Variants in SRGAP3 observed in about 807,000 individuals in gnomAD.
SRGAP3 encodes SLIT-ROBO Rho GTPase activating protein 3, also known as SLIT-ROBO Rho GTPase-activating protein 3.
SRGAP3 carries 39 observed loss-of-function variants against 121.1 expected under a neutral mutation model. The ratio of observed to expected loss-of-function variants is 0.32; its 90% CI spans 0.25 to 0.42. The LOEUF (loss-of-function observed/expected upper bound fraction) is 0.42. Ranked by LOEUF, SRGAP3 falls within the 10% of genes least tolerant of loss-of-function variation. The pLI, the probability that SRGAP3 is intolerant of heterozygous loss-of-function variation, is 1.00. For missense variants in SRGAP3, 1,213 were observed against 1,470.6 expected (o/e 0.82, Z 2.86); for synonymous variants, 601 against 570.0 (o/e 1.05, Z -0.77).
intron 10 of SRGAP3, among the ~76,000 whole-genome samples, chr3:9,046,730 G>A (rs894840531): frequency 1.3e-5 from 2 of 152,112 alleles, no homozygotes; most frequent in African/African-American, 4.8e-5. Flanking sequence ...CTGAGGCCCT[G>A]GATTCCCACT....
chr3:9,099,384 T>C (rs1948118923), intron 3 of SRGAP3, among the ~76,000 whole-genome samples: 1 of 152,142 alleles, frequency 6.6e-6, no homozygotes. Flanking sequence ...CATCAGAGCA[T>C]AGAATAATGG....
intron 1 of SRGAP3, among the ~76,000 whole-genome samples, chr3:9,206,110 T>C (rs1314070693): frequency 6.6e-6 from 1 of 152,194 alleles, no homozygotes; most frequent in Admixed American, 6.5e-5. Context: ...TTAAAAATGG[T>C]GAAAACTGTA....
intron 1 of SRGAP3, among the ~76,000 whole-genome samples, chr3:9,186,893 T>C (rs567256528): frequency 6.6e-6 from 1 of 152,332 alleles, no homozygotes; most frequent in African/African-American, 2.4e-5. Context: ...AATTAGCCCT[T>C]TCTATAGCCA....
chr3:9,079,318 G>A (rs1437761716), intron 4 of SRGAP3, among the ~76,000 whole-genome samples: 1 of 152,112 alleles, frequency 6.6e-6, no homozygotes, highest in Non-Finnish European at 1.5e-5. Context: ...TCTCCATGGG[G>A]TCCCCACATT....
intron 3 of SRGAP3, among the ~76,000 whole-genome samples, chr3:9,268,181 A>G (rs7634583): frequency 0.27 from 41,134 of 151,936 alleles, 6,190 homozygotes; most frequent in Middle Eastern, 0.36. Flanking sequence ...ATAACCCCCA[A>G]TGTGATGGTA....
intron 3 of SRGAP3, among the ~76,000 whole-genome samples, chr3:9,094,237 C>T (rs1947876716): frequency 1.3e-5 from 2 of 152,184 alleles, no homozygotes; most frequent in Non-Finnish European, 2.9e-5. Context: ...AAATATCATA[C>T]TGTACCTTAC....
chr3:9,336,970 A>G (rs2648551), intron 1 of SRGAP3, among the ~76,000 whole-genome samples: 124,223 of 152,060 alleles, frequency 0.82, 51,366 homozygotes, highest in African/African-American at 0.93. Flanking sequence ...GGCCTCAAGC[A>G]ATCCTCCCAC....
At chr3:9,153,001 T>C (rs527967056) in intron 1 of SRGAP3, among the ~76,000 whole-genome samples, 2 of 152,222 alleles carry the variant, frequency 1.3e-5, no homozygotes, top group East Asian at 1.9e-4. Context: ...TCCACAGTCG[T>C]TGATCCCAAT....
chr3:9,033,398 G>C (rs1342051669), intron 11 of SRGAP3: 1 of 151,724 alleles, frequency 6.6e-6, no homozygotes, highest in Non-Finnish European at 1.5e-5. Context: ...CTTTAGTCAA[G>C]TACACTTTCT....
chr3:9,358,753 G>A (rs1335898670), intron 1 of SRGAP3, among the ~76,000 whole-genome samples: 2 of 152,194 alleles, frequency 1.3e-5, no homozygotes, highest in East Asian at 1.9e-4. Context: ...ATTTGCTGGA[G>A]CGGCTCACAG....
intron 1 of SRGAP3, among the ~76,000 whole-genome samples, chr3:9,357,949 A>G (rs1454792725): frequency 1.3e-5 from 2 of 151,466 alleles, no homozygotes; most frequent in African/African-American, 4.9e-5. Context: ...ATCCCGGCTC[A>G]TTGCAACCTC....
At chr3:9,284,369 T>C (rs534009022) in intron 3 of SRGAP3, among the ~76,000 whole-genome samples, 3 of 152,360 alleles carry the variant, frequency 2.0e-5, no homozygotes, top group Non-Finnish European at 2.9e-5. Flanking sequence ...AGGTTTTTGT[T>C]TTGTTTTACC....
At chr3:9,124,031 C>T (rs1006023867) in intron 2 of SRGAP3, among the ~76,000 whole-genome samples, 1 of 151,976 alleles carries the variant, frequency 6.6e-6, no homozygotes, top group African/African-American at 2.4e-5. Context: ...CTGCTTCCTG[C>T]CTGCCTGTAT....
intron 1 of SRGAP3, 190 bp from the exon 2 acceptor site, chr3:9,125,107 G>A (rs1268347987): frequency 2.1e-5 from 14 of 671,716 alleles, no homozygotes; most frequent in South Asian, 5.6e-5. Context: ...TCTCTTGCTC[G>A]TTTTTGCCAT....
chr3:9,225,912 CT>C (rs1952971964), intron 1 of SRGAP3, among the ~76,000 whole-genome samples: 1 of 131,208 alleles, frequency 7.6e-6, no homozygotes, highest in African/African-American at 2.6e-5. Context: ...ATAAAAGCTG[CT>C]GGGAAGTCCA....
chr3:9,348,445 G>A (rs1487908656), intron 1 of SRGAP3: 59 of 654,144 alleles, frequency 9.0e-5, no homozygotes, highest in Non-Finnish European at 4.3e-5. Flanking sequence ...CCGCCACCAT[G>A]GCTGCCTACA....
intron 2 of SRGAP3, among the ~76,000 whole-genome samples, chr3:9,122,337 A>G (rs1949038359): frequency 6.6e-6 from 1 of 152,172 alleles, no homozygotes; most frequent in Admixed American, 6.5e-5. Flanking sequence ...ATATGAGATT[A>G]TATGTGTGAA....
chr3:9,264,752 C>T (rs1390698360), intron 3 of SRGAP3, among the ~76,000 whole-genome samples: 1 of 152,220 alleles, frequency 6.6e-6, no homozygotes, highest in Non-Finnish European at 1.5e-5. Flanking sequence ...ACATTCCATG[C>T]TCATGGATAG....
intron 10 of SRGAP3, among the ~76,000 whole-genome samples, chr3:9,045,879 C>T (rs1320864537): frequency 3.3e-5 from 5 of 152,036 alleles, no homozygotes; most frequent in African/African-American, 1.2e-4. Flanking sequence ...CCTATAAATA[C>T]CAACCCTCCT....
Sources: allele counts gnomAD v4.1 joint callset (sites outside exome capture counted in the v4.1 genomes callset), GRCh38; gene constraint gnomAD v4.1.1; transcripts MANE v1.5; gene names NCBI Gene and HGNC (gene_info 2026-07-23, HGNC 2026-07-21).